The following RNF111 variants were observed in gnomAD, a reference collection of about 807,000 sequenced individuals.
The protein encoded by RNF111 is E3 ubiquitin-protein ligase Arkadia.
Under a neutral mutation model 95.1 loss-of-function variants are expected in RNF111, and 17 were observed. The ratio of observed to expected loss-of-function variants is 0.18; its 90% CI spans 0.12 to 0.27. The LOEUF is 0.27. Ranked by LOEUF, RNF111 falls within the 10% of genes least tolerant of loss-of-function variation. The pLI is 1.00. For synonymous variants in RNF111, 440 were observed against 414.8 expected (o/e 1.06, Z -0.74); for missense variants, 1,189 against 1,210.4 (o/e 0.98, Z 0.26).
intron 1 of RNF111, among the ~76,000 whole-genome samples, chr15:58,997,224 C>A (rs1001332589): frequency 7.2e-5 from 11 of 152,142 alleles, no homozygotes; most frequent in Admixed American, 1.3e-4. Flanking sequence ...GAAGATGTAT[C>A]TCTTTCCTCC....
intron 1 of RNF111, among the ~76,000 whole-genome samples, chr15:59,018,338 G>T (rs1382399454): frequency 1.3e-5 from 2 of 152,094 alleles, no homozygotes; most frequent in Non-Finnish European, 1.5e-5. Flanking sequence ...AGGTGTCCAG[G>T]ATTGGTGGTC....
At chr15:59,045,560 A>C (rs1172094091) in intron 2 of RNF111, among the ~76,000 whole-genome samples, 1 of 152,202 alleles carries the variant, frequency 6.6e-6, no homozygotes, top group Non-Finnish European at 1.5e-5. Flanking sequence ...AAAAATCATA[A>C]ATGAAGTTGA....
At chr15:59,079,511 C>T (rs1165073467) in intron 7 of RNF111, among the ~76,000 whole-genome samples, 1 of 152,164 alleles carries the variant, frequency 6.6e-6, no homozygotes, top group African/African-American at 2.4e-5. Context: ...TTATTGTTAC[C>T]TAACTTCTGC....
At chr15:59,050,580 C>A (rs1358563268) in intron 2 of RNF111, among the ~76,000 whole-genome samples, 1 of 152,056 alleles carries the variant, frequency 6.6e-6, no homozygotes, top group Non-Finnish European at 1.5e-5. Context: ...AGAGAAGTAT[C>A]AAAAAATATT....
intron 2 of RNF111, among the ~76,000 whole-genome samples, chr15:59,035,234 T>C (rs2041117322): frequency 6.6e-6 from 1 of 152,142 alleles, no homozygotes; most frequent in Non-Finnish European, 1.5e-5. Flanking sequence ...TAAGTCAAGG[T>C]GAGATTTGGG....
chr15:58,992,288 G>T (rs537987228), intron 1 of RNF111, among the ~76,000 whole-genome samples: 1 of 152,028 alleles, frequency 6.6e-6, no homozygotes, highest in African/African-American at 2.4e-5. Context: ...CAGGTGATTC[G>T]CCCGTCTCGG....
Position 59,052,569 on chromosome 15 carries a change from A to ATT in RNF111, c.1007+159_1007+160dup, listed in dbSNP as rs768761060. 1,317 of 248,276 alleles carry ATT rather than the reference A, an allele frequency of 5.3e-3. 6 individuals carry two copies. Among genetic ancestry groups the ATT allele is most frequent in the Middle Eastern group, 0.013 (10 of 776 alleles). The allele number at this position is 248,276 out of a possible 1,614,324, so 15.4% of individuals were successfully genotyped here. ...GAGTATGCATATATCAGATTAGTGG[A>ATT]TTTTTTTTTTTTTTTTTTTTTTGGT... On this transcript the variant is annotated intron_variant, in intron 3 of 13. Coordinates refer to ENST00000348370, the MANE Select transcript of RNF111 (RefSeq NM_017610.8).
rs184336484 is a variant in RNF111 at position 59,019,851 on chromosome 15, C to T, written c.-19-10953C>T. On this transcript the variant is annotated intron_variant, in intron 1 of 13. Transcript: ENST00000348370. ...GTGTGTGCCTATAGTCCTAGCTGCT[C>T]GGGAGGCTGAGGCAGCAAAATTGCT... 2.1e-3 allele frequency among the ~76,000 whole-genome samples: 323 copies of T among 151,962 alleles called. 3 individuals are homozygous for T. The highest frequency in any genetic ancestry group is 4.1e-4 in the South Asian group (2 of 4,822).
intron 1 of RNF111, among the ~76,000 whole-genome samples, chr15:58,992,427 C>T (rs1258813305): frequency 2.0e-5 from 3 of 152,154 alleles, no homozygotes; most frequent in Non-Finnish European, 4.4e-5. Context: ...AGGTCTGGCA[C>T]AATCTGGATA....
chr15:59,018,585 A>G (rs539894152), intron 1 of RNF111, among the ~76,000 whole-genome samples: 4 of 152,322 alleles, frequency 2.6e-5, no homozygotes, highest in Non-Finnish European at 5.9e-5. Flanking sequence ...GAAACTTATA[A>G]AGGGTAAAAG....
chr15:59,065,067 C>G (rs1009381501), intron 5 of RNF111, among the ~76,000 whole-genome samples: 13 of 151,710 alleles, frequency 8.6e-5, no homozygotes, highest in African/African-American at 3.2e-4. Flanking sequence ...TACTTTGAGC[C>G]CCATAGGAGC....
chr15:58,989,426 T>G (rs1414436193), intron 1 of RNF111, among the ~76,000 whole-genome samples: 1 of 152,210 alleles, frequency 6.6e-6, no homozygotes, highest in South Asian at 2.1e-4. Flanking sequence ...ACAACAGTAT[T>G]CTAAGAATTG....
At position 59,055,671 on chromosome 15, in the gene RNF111, T is replaced by C. The variant is rs2042173322; in HGVS notation, c.1008-11T>C. 1 of 1,568,562 alleles carries C rather than the reference T, an allele frequency of 6.4e-7. No homozygotes were observed. The highest frequency in any genetic ancestry group is 1.8e-4 in the Middle Eastern group (1 of 5,704). On this transcript the variant is annotated splice_polypyrimidine_tract_variant and intron_variant, in intron 3 of 13. Transcript: ENST00000348370. ...TTTATATTTACTAACTTAATATTGATGTCATTTAAGGTCTCGTTCAACCCT... is the reference window on the plus strand; with the variant it reads ...TTTATATTTACTAACTTAATATTGACGTCATTTAAGGTCTCGTTCAACCCT...
chr15:59,025,280 CTCT>C (rs1215604643), intron 1 of RNF111, among the ~76,000 whole-genome samples: 17 of 152,324 alleles, frequency 1.1e-4, no homozygotes, highest in Non-Finnish European at 2.2e-4. Flanking sequence ...AAGGGTCCCA[CTCT>C]TCTTTTCATA....
chr15:59,010,994 C>A (rs977907689), intron 1 of RNF111, among the ~76,000 whole-genome samples: 2 of 152,234 alleles, frequency 1.3e-5, no homozygotes. Flanking sequence ...TTCTCCCTAA[C>A]GGTCATCGTT....
At chr15:59,067,920 A>T (rs1282270064) in intron 6 of RNF111, among the ~76,000 whole-genome samples, 1 of 152,230 alleles carries the variant, frequency 6.6e-6, no homozygotes, top group Non-Finnish European at 1.5e-5. Context: ...TTTATGGAGA[A>T]TCAAAATGTC....
At chr15:59,066,674 T>G in intron 5 of RNF111, 90 bp from the exon 6 acceptor site, 1 of 1,017,080 alleles carries the variant, frequency 9.8e-7, no homozygotes, top group Non-Finnish European at 1.4e-6. Flanking sequence ...AACATTTCTT[T>G]AAACATTTAT....
intron 1 of RNF111, among the ~76,000 whole-genome samples, chr15:59,016,617 A>G (rs1275127972): frequency 6.6e-6 from 1 of 151,976 alleles, no homozygotes; most frequent in African/African-American, 2.4e-5. Flanking sequence ...ATTTTGTTCT[A>G]CCCTACCTAT....
chr15:59,020,245 C>T (rs949946424), intron 1 of RNF111, among the ~76,000 whole-genome samples: 1 of 149,494 alleles, frequency 6.7e-6, no homozygotes, highest in African/African-American at 2.4e-5. Context: ...ATATACTGTA[C>T]ATAAATATAA....
Sources: gnomAD v4.1 joint callset for allele counts (sites outside exome capture counted in the v4.1 genomes callset) on GRCh38, gnomAD v4.1.1 for gene constraint, MANE v1.5 for transcripts, NCBI Gene and HGNC (gene_info 2026-07-23, HGNC 2026-07-21) for gene names.